ZNF704: variants seen among roughly 807,000 people sequenced by gnomAD.
ZNF704 encodes the protein glucocorticoid induced gene 1.
A neutral mutation model predicts 44.7 loss-of-function variants in ZNF704; 10 were observed. The observed-to-expected ratio is 0.22, with a 90% CI of 0.14 to 0.38. The LOEUF is 0.38. Among genes scored for constraint, ZNF704 ranks in the 10% least tolerant of loss-of-function variants. ZNF704 has a pLI of 1.00. For missense variants in ZNF704, 390 were observed against 545.5 expected (o/e 0.71, Z 2.84); for synonymous variants, 211 against 207.6 (o/e 1.02, Z -0.14).
chr8:80,790,920 G>A (rs181758355), intron 2 of ZNF704, among the ~76,000 whole-genome samples: 36 of 152,232 alleles, frequency 2.4e-4, no homozygotes, highest in African/African-American at 7.5e-4. Context: ...TTATGAAAAC[G>A]GTGGAAGAAA....
chr8:80,647,995 G>A (rs529950084), intron 7 of ZNF704, among the ~76,000 whole-genome samples: 6 of 152,248 alleles, frequency 3.9e-5, no homozygotes, highest in South Asian at 2.1e-4. Flanking sequence ...TTGAGGGGCC[G>A]GCATGTGACA....
chr8:80,838,323 A>G (rs1388214107), intron 1 of ZNF704, among the ~76,000 whole-genome samples: 1 of 152,228 alleles, frequency 6.6e-6, no homozygotes, highest in African/African-American at 2.4e-5. Context: ...TATACTTCTG[A>G]TATGTATAAA....
At chr8:80,837,516 T>C (rs1231024821) in intron 1 of ZNF704, among the ~76,000 whole-genome samples, 2 of 152,198 alleles carry the variant, frequency 1.3e-5, no homozygotes, top group Admixed American at 6.5e-5. Context: ...GAAATGACTA[T>C]TCCATCCTCC....
At chr8:80,796,748 C>T (rs554053871) in intron 2 of ZNF704, among the ~76,000 whole-genome samples, 1 of 152,050 alleles carries the variant, frequency 6.6e-6, no homozygotes, top group South Asian at 2.1e-4. Context: ...GTAATCCCAG[C>T]ACACTGGAAG....
chr8:80,802,065 G>GA (rs1807910831), intron 2 of ZNF704, among the ~76,000 whole-genome samples: 2 of 151,596 alleles, frequency 1.3e-5, no homozygotes, highest in Admixed American at 1.3e-4. Context: ...ACATAAACTA[G>GA]AAAATCTAAA....
chr8:80,834,202 A>T (rs1479114644), intron 1 of ZNF704, among the ~76,000 whole-genome samples: 1 of 138,528 alleles, frequency 7.2e-6, no homozygotes, highest in African/African-American at 3.1e-5. Flanking sequence ...TCAAAAAAAT[A>T]ATAACAAAAG....
At chr8:80,780,620 T>A (rs1265042688) in intron 2 of ZNF704, among the ~76,000 whole-genome samples, 1 of 151,986 alleles carries the variant, frequency 6.6e-6, no homozygotes, top group African/African-American at 2.4e-5. Flanking sequence ...AATGTCCTTA[T>A]AAGAGAAAAT....
At chr8:80,706,977 T>A (rs1585969841) in intron 2 of ZNF704, among the ~76,000 whole-genome samples, 1 of 152,124 alleles carries the variant, frequency 6.6e-6, no homozygotes, top group Admixed American at 6.5e-5. Flanking sequence ...AGAAAAAAAA[T>A]TGTCATCTTT....
chr8:80,810,565 T>G (rs1295925381), intron 2 of ZNF704, among the ~76,000 whole-genome samples: 2 of 152,190 alleles, frequency 1.3e-5, no homozygotes, highest in African/African-American at 4.8e-5. Context: ...ATGTTTGAAC[T>G]GCTCTAATAG....
At chr8:80,832,671 T>C (rs1808489952) in intron 1 of ZNF704, among the ~76,000 whole-genome samples, 1 of 151,758 alleles carries the variant, frequency 6.6e-6, no homozygotes, top group East Asian at 1.9e-4. Context: ...AAAAGTAGTT[T>C]AGAAATTCTA....
intron 2 of ZNF704, among the ~76,000 whole-genome samples, chr8:80,785,329 T>C (rs559042373): frequency 1.3e-5 from 2 of 152,314 alleles, no homozygotes; most frequent in South Asian, 2.1e-4. Context: ...CTGGGTAAAG[T>C]AGTATTTGTT....
At chr8:80,765,139 G>C (rs1807207294) in intron 2 of ZNF704, among the ~76,000 whole-genome samples, 1 of 152,126 alleles carries the variant, frequency 6.6e-6, no homozygotes, top group Non-Finnish European at 1.5e-5. Flanking sequence ...AGGCCTTGGG[G>C]GGGCCACTGG....
At position 80,643,061 on chromosome 8, in the gene ZNF704, G is replaced by A; in HGVS notation, c.1101C>T (p.Ser367=). The A allele has an allele frequency of 2.5e-6, 4 of 1,595,366 alleles. No individual in the cohort carries two copies. Among genetic ancestry groups the A allele is most frequent in the Non-Finnish European group, 3.4e-6 (4 of 1,170,352 alleles). ...QRQHAHTVLS[S]PPRGTVSLRK... ...TTAAGCTGACTGTGCCTCTGGGTGGGGAGGACAGGACCGTGTGCGCATGCT... is the reference window on the plus strand; with the variant it reads ...TTAAGCTGACTGTGCCTCTGGGTGGAGAGGACAGGACCGTGTGCGCATGCT... The change falls in exon 8 of 9, where the codon TCC becomes TCT. Residue 367 remains serine (S), a synonymous_variant. Coordinates refer to ENST00000327835, the MANE Select transcript of ZNF704 (RefSeq NM_001033723.3).
chr8:80,857,082 G>C (rs535842971), intron 1 of ZNF704, among the ~76,000 whole-genome samples: 2 of 151,882 alleles, frequency 1.3e-5, no homozygotes, highest in African/African-American at 4.8e-5. Flanking sequence ...TTTTATCCCT[G>C]TTTAGTTTTT....
At chr8:80,655,980 T>C (rs941386204) in intron 7 of ZNF704, among the ~76,000 whole-genome samples, 2 of 152,154 alleles carry the variant, frequency 1.3e-5, no homozygotes, top group African/African-American at 4.8e-5. Flanking sequence ...AATGTTTGTG[T>C]CCCTCAAATT....
At chr8:80,699,452 G>A (rs1056879115) in intron 2 of ZNF704, among the ~76,000 whole-genome samples, 18 of 152,254 alleles carry the variant, frequency 1.2e-4, no homozygotes, top group African/African-American at 4.3e-4. Context: ...GCAATAAAGT[G>A]TTCACTGGCC....
At chr8:80,718,330 T>A (rs1819102854) in intron 2 of ZNF704, among the ~76,000 whole-genome samples, 1 of 152,180 alleles carries the variant, frequency 6.6e-6, no homozygotes, top group Non-Finnish European at 1.5e-5. Context: ...ACTTTTATTA[T>A]CTTACTGTGG....
At chr8:80,832,166 G>T (rs923538856) in intron 1 of ZNF704, among the ~76,000 whole-genome samples, 3 of 152,038 alleles carry the variant, frequency 2.0e-5, no homozygotes, top group Non-Finnish European at 4.4e-5. Context: ...TTTCCTAGAA[G>T]AAGATAAACA....
chr8:80,878,349 T>C (rs1032303224), upstream of ZNF704, among the ~76,000 whole-genome samples: 2 of 152,078 alleles, frequency 1.3e-5, no homozygotes, highest in South Asian at 4.2e-4. Flanking sequence ...TTCAGTGTTT[T>C]TTTAAAATTT....
Sources: gnomAD v4.1 joint callset for allele counts (sites outside exome capture counted in the v4.1 genomes callset) on GRCh38, gnomAD v4.1.1 for gene constraint, MANE v1.5 for transcripts, NCBI Gene and HGNC (gene_info 2026-07-23, HGNC 2026-07-21) for gene names.